The following NALF1 variants were observed in gnomAD, a reference collection of about 807,000 sequenced individuals.
NALF1 encodes family with sequence similarity 155 member A.
NALF1 carries 3 observed loss-of-function variants against 48.4 expected under a neutral mutation model. That is an observed-to-expected ratio of 0.06 (90% CI 0.03 to 0.16). The LOEUF (loss-of-function observed/expected upper bound fraction) is 0.16. Ranked by LOEUF, NALF1 falls within the 10% of genes least tolerant of loss-of-function variation. The pLI, the probability that NALF1 is intolerant of heterozygous loss-of-function variation, is 1.00. For synonymous variants in NALF1, 262 were observed against 245.7 expected (o/e 1.07, Z -0.62); for missense variants, 526 against 571.5 (o/e 0.92, Z 0.81).
At chr13:107,224,525 T>C (rs1021477382) in intron 1 of NALF1, among the ~76,000 whole-genome samples, 1 of 151,202 alleles carries the variant, frequency 6.6e-6, no homozygotes, top group Non-Finnish European at 1.5e-5. Context: ...AGGTAAAAAA[T>C]TGGTTAACTG....
intron 1 of NALF1, among the ~76,000 whole-genome samples, chr13:107,328,906 A>G (rs1003767097): frequency 1.3e-5 from 2 of 152,222 alleles, no homozygotes; most frequent in African/African-American, 4.8e-5. Context: ...GAAAAACACT[A>G]ACCCAATAGG....
At chr13:107,707,164 C>T (rs1402807603) in intron 1 of NALF1, among the ~76,000 whole-genome samples, 2 of 151,666 alleles carry the variant, frequency 1.3e-5, no homozygotes, top group African/African-American at 2.4e-5. Flanking sequence ...CCTCGTGATC[C>T]GCCCGCCTCG....
intron 1 of NALF1, among the ~76,000 whole-genome samples, chr13:107,390,177 G>A (rs570128749): frequency 8.5e-5 from 13 of 152,074 alleles, no homozygotes; most frequent in African/African-American, 3.1e-4. Flanking sequence ...TGAGACCATA[G>A]TGAAACCCCA....
At chr13:107,507,395 T>C (rs979870813) in intron 1 of NALF1, among the ~76,000 whole-genome samples, 2 of 151,954 alleles carry the variant, frequency 1.3e-5, no homozygotes, top group Non-Finnish European at 2.9e-5. Flanking sequence ...CCAGAGGAGA[T>C]TCATGTATTT....
intron 1 of NALF1, among the ~76,000 whole-genome samples, chr13:107,511,970 G>A (rs1027265416): frequency 2.6e-5 from 4 of 152,230 alleles, no homozygotes; most frequent in African/African-American, 9.6e-5. Flanking sequence ...GTTTCTGGCT[G>A]TCTTTGATGG....
chr13:107,631,057 AG>A (rs1879821708), intron 1 of NALF1, among the ~76,000 whole-genome samples: 1 of 152,132 alleles, frequency 6.6e-6, no homozygotes, highest in Non-Finnish European at 1.5e-5. Flanking sequence ...CCCAGGCTGC[AG>A]TGCAGTGGCA....
At chr13:107,517,753 G>A (rs564439732) in intron 1 of NALF1, among the ~76,000 whole-genome samples, 7 of 152,208 alleles carry the variant, frequency 4.6e-5, no homozygotes, top group Non-Finnish European at 8.8e-5. Context: ...TCAGGTGTTC[G>A]AGACCAGCCT....
chr13:107,694,568 G>T (rs1375530801), intron 1 of NALF1, among the ~76,000 whole-genome samples: 1 of 152,074 alleles, frequency 6.6e-6, no homozygotes, highest in Non-Finnish European at 1.5e-5. Flanking sequence ...AAGTATTTAG[G>T]TACTGTTAAA....
At chr13:107,846,554 T>A (rs1880177068) in intron 1 of NALF1, among the ~76,000 whole-genome samples, 1 of 152,114 alleles carries the variant, frequency 6.6e-6, no homozygotes, top group African/African-American at 2.4e-5. Flanking sequence ...TACTTTAAAG[T>A]AAATGTGTAA....
At chr13:107,818,861 G>GT (rs543349230) in intron 1 of NALF1, among the ~76,000 whole-genome samples, 200 of 77,710 alleles carry the variant, frequency 2.6e-3, no homozygotes, top group African/African-American at 0.015. Context: ...GACAGAGCGA[G>GT]ACTCCGTCTC....
At chr13:107,604,891 A>T (rs1001858226) in intron 1 of NALF1, among the ~76,000 whole-genome samples, 4 of 152,122 alleles carry the variant, frequency 2.6e-5, no homozygotes, top group Non-Finnish European at 5.9e-5. Context: ...TACTACAGGT[A>T]ATAATTGTGA....
intron 1 of NALF1, among the ~76,000 whole-genome samples, chr13:107,392,962 G>A (rs1001848654): frequency 6.6e-6 from 1 of 152,136 alleles, no homozygotes. Flanking sequence ...GGACATGGAG[G>A]AGTCAATGGT....
chr13:107,630,068 C>A (rs886083202), intron 1 of NALF1, among the ~76,000 whole-genome samples: 5 of 152,052 alleles, frequency 3.3e-5, no homozygotes, highest in African/African-American at 1.2e-4. Flanking sequence ...TTAGATCAAC[C>A]CATTTATGCC....
At chr13:107,411,734 C>T (rs565635681) in intron 1 of NALF1, among the ~76,000 whole-genome samples, 3 of 152,294 alleles carry the variant, frequency 2.0e-5, no homozygotes, top group East Asian at 1.9e-4. Context: ...TCCCCTGCAA[C>T]GGCCTCACTA....
At chr13:107,562,695 C>T (rs1877682356) in intron 1 of NALF1, among the ~76,000 whole-genome samples, 1 of 152,282 alleles carries the variant, frequency 6.6e-6, no homozygotes, top group East Asian at 1.9e-4. Context: ...CAAGACCATA[C>T]GAACTCATTC....
At chr13:107,588,101 G>GGGCA (rs920898957) in intron 1 of NALF1, among the ~76,000 whole-genome samples, 2 of 152,070 alleles carry the variant, frequency 1.3e-5, no homozygotes, top group African/African-American at 4.8e-5. Context: ...CGCATCAAGT[G>GGGCA]GGCACATTCC....
chr13:107,539,415 G>A (rs2139117641), intron 1 of NALF1, among the ~76,000 whole-genome samples: 1 of 150,160 alleles, frequency 6.7e-6, no homozygotes, highest in Middle Eastern at 3.4e-3. Flanking sequence ...GCCCTTGTGA[G>A]TCAATCACCT....
chr13:107,234,198 A>G (rs916746417), intron 1 of NALF1, among the ~76,000 whole-genome samples: 7 of 152,198 alleles, frequency 4.6e-5, no homozygotes, highest in African/African-American at 1.7e-4. Context: ...TGCTCTTTCA[A>G]ACGTTCTCTG....
intron 1 of NALF1, among the ~76,000 whole-genome samples, chr13:107,231,232 T>C (rs1880218698): frequency 6.6e-6 from 1 of 152,102 alleles, no homozygotes; most frequent in African/African-American, 2.4e-5. Context: ...GGAGTAAAGA[T>C]GGGAATAGAA....
Sources: gnomAD v4.1 joint callset for allele counts (sites outside exome capture counted in the v4.1 genomes callset) on GRCh38, gnomAD v4.1.1 for gene constraint, MANE v1.5 for transcripts, NCBI Gene and HGNC (gene_info 2026-07-23, HGNC 2026-07-21) for gene names.